CEP76: variants seen among roughly 807,000 people sequenced by gnomAD.
CEP76 encodes centrosomal protein of 76 kDa.
A neutral mutation model predicts 83.3 loss-of-function variants in CEP76; 55 were observed. That is an observed-to-expected ratio of 0.66 (90% confidence interval 0.53 to 0.83). CEP76 has a LOEUF of 0.83. Among genes scored for constraint, CEP76 ranks in the 40% least tolerant of loss-of-function variants. CEP76 has a pLI of 0.00. For synonymous variants in CEP76, 270 were observed against 274.5 expected (o/e 0.98, Z 0.16); for missense variants, 694 against 799.5 (o/e 0.87, Z 1.59).
chr18:12,699,877 G>A lies in CEP76; in HGVS notation c.248C>T (p.Ser83Phe). 1.3e-6 allele frequency: 2 copies of A among 1,597,154 alleles called. No homozygotes were observed. The highest frequency in any genetic ancestry group is 1.7e-6 in the Non-Finnish European group (2 of 1,171,812). Residue 83 changes from serine to phenylalanine, a missense_variant, in exon 3 of 12, where the codon TCT (serine) becomes TTT (phenylalanine). Physicochemically the swap from Ser to Phe is radical, Grantham distance 155. Transcript: ENST00000262127. The part of the protein sequence containing the change: ...TDSVEQELPS[S>F]PKQPICFDRQ... ...ATCAAAACAAATAGGTTGTTTTGGA[G>A]AGGAAGGGAGTTCTTGCTCAACACT... is the stretch of plus-strand genomic sequence containing the variant.
intron 2 of CEP76, 51 bp from the exon 3 acceptor site, chr18:12,699,956 TTAAGGAAA>T: frequency 8.0e-7 from 1 of 1,246,800 alleles, no homozygotes; most frequent in East Asian, 2.6e-5. Context: ...CAATTATAGG[TTAAGGAAA>T]TGTCAATAAA....
exon 13 of CEP76, chr18:12,662,096 G>C: frequency 2.4e-6 from 1 of 425,518 alleles, no homozygotes; most frequent in Non-Finnish European, 4.6e-6. Context: ...GAGTCTTTCA[G>C]GGAGCACCAT....
At chr18:12,664,197 T>C (rs919010492) in intron 12 of CEP76, among the ~76,000 whole-genome samples, 9 of 151,762 alleles carry the variant, frequency 5.9e-5, no homozygotes, top group African/African-American at 2.2e-4. Flanking sequence ...ACTTCAGCCT[T>C]CTGAATGGGC....
intron 11 of CEP76, 59 bp from the exon 12 acceptor site, chr18:12,673,562 T>C (rs1337235970): frequency 2.2e-6 from 3 of 1,348,076 alleles, no homozygotes; most frequent in Middle Eastern, 1.9e-4. Flanking sequence ...TAATTCCTTA[T>C]TTGCAAGTAA....
chr18:12,686,099 A>G (rs1052798284), intron 8 of CEP76, 163 bp downstream of exon 8: 1 of 500,834 alleles, frequency 2.0e-6, no homozygotes, highest in Non-Finnish European at 3.5e-6. Context: ...TACTTTTGTA[A>G]GTATTTTTGA....
At chr18:12,692,525 A>G (rs897640967) in intron 6 of CEP76, among the ~76,000 whole-genome samples, 10 of 152,048 alleles carry the variant, frequency 6.6e-5, no homozygotes, top group Non-Finnish European at 1.0e-4. Flanking sequence ...GCTCAGCCCC[A>G]ATCTTTGCAT....
rs765652085 is a variant in CEP76 at position 12,683,186 on chromosome 18, C to CAAAAAAAAAAAAAAAAAAAAAA, written c.1123-2359_1123-2358insTTTTTTTTTTTTTTTTTTTTTT. Among the ~76,000 whole-genome samples the CAAAAAAAAAAAAAAAAAAAAAA allele has an allele frequency of 3.0e-4, 19 of 63,670 alleles. 1 individual carries two copies. The highest frequency in any genetic ancestry group is 4.6e-4 in the Non-Finnish European group (15 of 32,436). 41.8% of individuals were successfully genotyped at this position (63,670 alleles called of 152,430 possible). On this transcript the variant is annotated intron_variant, in intron 8 of 11. Coordinates refer to ENST00000262127, the MANE Select transcript of CEP76 (RefSeq NM_024899.4). ...GAAACCCCATCTCTACTAAAAATACCAAAAAAAAAAAAAAAAAAGCCAGGC... is the reference window on the plus strand; with the variant it reads ...GAAACCCCATCTCTACTAAAAATACCAAAAAAAAAAAAAAAAAAAAAAAAAAAAAAAAAAAAAAAAGCCAGGC...
At chr18:12,678,782 C>A (rs905432689) in intron 9 of CEP76, among the ~76,000 whole-genome samples, 1 of 151,874 alleles carries the variant, frequency 6.6e-6, no homozygotes, top group African/African-American at 2.4e-5. Context: ...ATGGTGAAAC[C>A]CCGTCTCTGC....
Position 12,699,931 on chromosome 18 carries a change from A to G in CEP76, c.220-26T>C, listed in dbSNP as rs745414819. 6.1e-6 allele frequency: 9 copies of G among 1,463,766 alleles called. No individual in the cohort carries two copies. The Admixed American group carries it at 1.9e-4, about 31-fold the overall frequency. The allele number at this position is 1,463,766 out of a possible 1,614,324, so 90.7% of individuals were successfully genotyped here. On this transcript the variant is annotated intron_variant, in intron 2 of 11. Transcript: ENST00000262127. ...CTAGAAAGGCAGGAAAAAAAAATCAAAACAAATTAGAAAACAATTATAGGT... is the reference window on the plus strand; with the variant it reads ...CTAGAAAGGCAGGAAAAAAAAATCAGAACAAATTAGAAAACAATTATAGGT...
At chr18:12,702,072 G>C (rs529990667) in intron 1 of CEP76, among the ~76,000 whole-genome samples, 2 of 152,206 alleles carry the variant, frequency 1.3e-5, no homozygotes, top group East Asian at 3.9e-4. Context: ...GTTGCAGTGA[G>C]CCGAGATCGT....
chr18:12,672,877 A>G lies in CEP76; in HGVS notation c.*488T>C, dbSNP rs890685678. ...TCCCAAGGACCACGAATAAACCACAAAAGTGGTAATTCATTAACATTTATT... is the reference window on the plus strand; with the variant it reads ...TCCCAAGGACCACGAATAAACCACAGAAGTGGTAATTCATTAACATTTATT... On this transcript the variant is annotated 3_prime_UTR_variant, in exon 12 of 12. Transcript: ENST00000262127. 9 of 985,188 alleles carry G rather than the reference A, an allele frequency of 9.1e-6. No homozygotes were observed. The highest frequency in any genetic ancestry group is 1.1e-5 in the Non-Finnish European group (9 of 829,684). The allele number at this position is 985,188 out of a possible 1,614,324, so 61.0% of individuals were successfully genotyped here.
chr18:12,663,344 C>T (rs551144349), intron 12 of CEP76: 1 of 152,342 alleles, frequency 6.6e-6, no homozygotes, highest in Admixed American at 6.5e-5. Flanking sequence ...ATGATCTCAG[C>T]TCACTGCAAT....
chr18:12,673,364 C>T lies in CEP76; in HGVS notation c.*1G>A, dbSNP rs1414421229. 1 of 1,598,136 alleles carries T rather than the reference C, an allele frequency of 6.3e-7. No individual in the cohort carries two copies. Among genetic ancestry groups the T allele is most frequent in the Non-Finnish European group, 8.5e-7 (1 of 1,174,686 alleles). Reference sequence around the variant, plus strand: ...GTATAAATCTTATATAAATATTGGCCCTATAATACCGAGCGATATTTACAA... The same window carrying T: ...GTATAAATCTTATATAAATATTGGCTCTATAATACCGAGCGATATTTACAA... On this transcript the variant is annotated 3_prime_UTR_variant, in exon 12 of 12. Transcript: ENST00000262127.
intron 8 of CEP76, among the ~76,000 whole-genome samples, chr18:12,681,422 T>A (rs898102202): frequency 1.3e-5 from 2 of 151,548 alleles, no homozygotes; most frequent in Non-Finnish European, 2.9e-5. Context: ...AATTTTAAAA[T>A]TTTTTTTGTA....
At chr18:12,669,548 GA>G (rs1176384091), downstream of CEP76, among the ~76,000 whole-genome samples, 1 of 151,970 alleles carries the variant, frequency 6.6e-6, no homozygotes, top group Non-Finnish European at 1.5e-5. Flanking sequence ...TAACTAAATA[GA>G]CATATATAAA....
chr18:12,702,721 A>C lies in CEP76; in HGVS notation c.-173T>G. ...GCGTCAGGCCGGGGGCTGACCTGGA[A>C]ATGAGGCCCCGGCGGCGGCGGCGCC... On this transcript the variant is annotated 5_prime_UTR_variant, in exon 1 of 12. The change creates a new upstream start codon in the 5' untranslated region. Transcript: ENST00000262127. 1.5e-6 allele frequency: 1 copy of C among 680,930 alleles called. No homozygotes were observed. Among genetic ancestry groups the C allele is most frequent in the Non-Finnish European group, 2.3e-6 (1 of 425,646 alleles). The allele number at this position is 680,930 out of a possible 1,614,324, so 42.2% of individuals were successfully genotyped here.
downstream of CEP76, among the ~76,000 whole-genome samples, chr18:12,672,247 T>C (rs184926119): frequency 1.3e-4 from 20 of 151,944 alleles, no homozygotes; most frequent in Admixed American, 1.2e-3. Context: ...CCTGAGTAGC[T>C]GGGATTACAG....
At chr18:12,683,555 A>C (rs985503670) in intron 8 of CEP76, among the ~76,000 whole-genome samples, 2 of 152,104 alleles carry the variant, frequency 1.3e-5, no homozygotes, top group African/African-American at 4.8e-5. Flanking sequence ...GTTCGAGACC[A>C]GCCTAGCCAA....
At chr18:12,683,765 A>G (rs2039436175) in intron 8 of CEP76, among the ~76,000 whole-genome samples, 2 of 152,062 alleles carry the variant, frequency 1.3e-5, no homozygotes. Flanking sequence ...TAAAAAAAAA[A>G]GGAAATCAGA....
Sources: allele counts gnomAD v4.1 joint callset (sites outside exome capture counted in the v4.1 genomes callset), GRCh38; gene constraint gnomAD v4.1.1; transcripts MANE v1.5; gene names NCBI Gene and HGNC (gene_info 2026-07-23, HGNC 2026-07-21).